The following NFIX variants were observed in gnomAD, a reference collection of about 807,000 sequenced individuals.
The protein encoded by NFIX is nuclear factor I X.
NFIX carries 2 observed loss-of-function variants against 53.3 expected under a neutral mutation model. The ratio of observed to expected loss-of-function variants is 0.04; its 90% CI spans 0.02 to 0.12. The LOEUF (loss-of-function observed/expected upper bound fraction) is 0.12. NFIX is among the 10% of genes least tolerant of loss of function. The pLI is 1.00. For missense variants in NFIX, 310 were observed against 674.5 expected (o/e 0.46, Z 5.99); for synonymous variants, 244 against 289.0 (o/e 0.84, Z 1.58).
intron 2 of NFIX, among the ~76,000 whole-genome samples, chr19:13,056,332 G>A (rs1216984017): frequency 2.0e-5 from 3 of 152,144 alleles, no homozygotes. Flanking sequence ...TTGATCCTTG[G>A]GAGGCAGAGG....
intron 8 of NFIX, among the ~76,000 whole-genome samples, chr19:13,085,998 AAGAT>A (rs1223919830): frequency 5.3e-5 from 8 of 152,332 alleles, no homozygotes; most frequent in African/African-American, 1.7e-4. Context: ...AGGGCAGAGA[AAGAT>A]AGGTTGTGAT....
rs1032408529 is a variant in NFIX at position 13,051,796 on chromosome 19, G to T, written c.560-21251G>T. On this transcript the variant is annotated intron_variant, in intron 2 of 10. Coordinates refer to ENST00000592199, the MANE Select transcript of NFIX (RefSeq NM_001365902.3). This position sits in a 1 kb window ranked among gnomAD's most constrained non-coding sequence, Gnocchi z 5.1. Reference sequence around the variant, plus strand: ...CCAGCGATACTAATCTGTGTCAACAGGCCCCAGGGGTTAAAGAAACACAAC... The same window carrying T: ...CCAGCGATACTAATCTGTGTCAACATGCCCCAGGGGTTAAAGAAACACAAC... Among the ~76,000 whole-genome samples, 11 of 152,202 alleles carry T rather than the reference G, an allele frequency of 7.2e-5. No individual in the cohort carries two copies. Among genetic ancestry groups the T allele is most frequent in the Non-Finnish European group, 1.5e-4 (10 of 68,022 alleles).
Position 13,051,581 on chromosome 19 carries a change from G to A in NFIX, c.560-21466G>A, listed in dbSNP as rs1227002890. Among the ~76,000 whole-genome samples, 2 of 152,160 alleles carry A rather than the reference G, an allele frequency of 1.3e-5. No individual in the cohort carries two copies. On this transcript the variant is annotated intron_variant, in intron 2 of 10. Transcript: ENST00000592199. The surrounding 1 kb of genome is among the most constrained non-coding windows in gnomAD (Gnocchi z 5.1). ...AGCCAGATTTTTTTCCAAGCCTCAA[G>A]TCAGGCAGGTTCGGGGAGGAGACAG...
In NFIX at chr19:13,036,273, G is replaced by A. The variant is rs1034553639; in HGVS notation, c.559+10721G>A. Among the ~76,000 whole-genome samples the A allele has an allele frequency of 8.5e-5, 13 of 152,190 alleles. No homozygotes were observed. The highest frequency in any genetic ancestry group is 3.1e-4 in the African/African-American group (13 of 41,438). On this transcript the variant is annotated intron_variant, in intron 2 of 10. Transcript: ENST00000592199. The surrounding 1 kb of genome is among the most constrained non-coding windows in gnomAD (Gnocchi z 4.7). ...TCCGGGAGGCTTCCTTTCTTAAAAT[G>A]GGGGGATGAAGCGTCAGTCATGCTT...
In NFIX at chr19:13,039,221, C is replaced by T. The variant is rs552480310; in HGVS notation, c.559+13669C>T. Among the ~76,000 whole-genome samples, 769 of 130,400 alleles carry T rather than the reference C, an allele frequency of 5.9e-3. 5 individuals are homozygous for T. The highest frequency in any genetic ancestry group is 0.015 in the Middle Eastern group (4 of 266). 85.5% of individuals were successfully genotyped at this position (130,400 alleles called of 152,430 possible). ...ACATGCATTTCTTTTAAATTAAACA[C>T]CCCCCCCCACACACACACATACACG... is the stretch of plus-strand genomic sequence containing the variant. On this transcript the variant is annotated intron_variant, in intron 2 of 10. Transcript: ENST00000592199.
chr19:13,001,295 C>T lies in NFIX; in HGVS notation c.27+5431C>T, dbSNP rs2011678656. On this transcript the variant is annotated intron_variant, in intron 1 of 10. Transcript: ENST00000592199. The surrounding 1 kb of genome is among the most constrained non-coding windows in gnomAD (Gnocchi z 6.5). ...TGGCAGCGTGTGTCTGCCCGGGTCC[C>T]TCTCCATGCCTCTCCATGTCTCCCA... is the stretch of plus-strand genomic sequence containing the variant. 1.3e-5 allele frequency among the ~76,000 whole-genome samples: 2 copies of T among 152,174 alleles called. No individual in the cohort carries two copies. The highest frequency in any genetic ancestry group is 2.4e-5 in the African/African-American group (1 of 41,426).
rs2011445692 is a variant in NFIX, at chr19:12,995,879, C to T, written c.27+15C>T. The T allele has an allele frequency of 4.1e-6, 4 of 980,132 alleles. No homozygotes were observed. Among genetic ancestry groups the T allele is most frequent in the African/African-American group, 1.8e-5 (1 of 56,290 alleles). 60.7% of individuals were successfully genotyped at this position (980,132 alleles called of 1,614,324 possible). On this transcript the variant is annotated intron_variant, in intron 1 of 10. Transcript: ENST00000592199. ...GCCTCACCCAGGTACCGGCCGCCGC[C>T]CCCGCGCGACCGGGGGAGGGGAGCG...
At chr19:13,024,919 C>A (rs2013202628) in intron 1 of NFIX, 102 bp from the exon 2 acceptor site, 2 of 1,463,762 alleles carry the variant, frequency 1.4e-6, no homozygotes, top group Non-Finnish European at 1.9e-6. Context: ...CTTGTGCCCC[C>A]CCTTCTAACG....
Position 13,090,197 on chromosome 19 carries a change from GT to G in NFIX, c.1403-101del. 2 of 1,105,834 alleles carry G rather than the reference GT, an allele frequency of 1.8e-6. No homozygotes were observed. The highest frequency in any genetic ancestry group is 2.8e-6 in the Non-Finnish European group (2 of 722,758). 68.5% of individuals were successfully genotyped at this position (1,105,834 alleles called of 1,614,324 possible). ...TGCCAGCCTAAACTCGGGCAGCATG[GT>G]CTAACTCAGTCTCTCCCTCTCTCAG... is the stretch of plus-strand genomic sequence containing the variant. On this transcript the variant is annotated intron_variant, in intron 9 of 10. Coordinates refer to ENST00000592199, the MANE Select transcript of NFIX (RefSeq NM_001365902.3). The surrounding 1 kb of genome is among the most constrained non-coding windows in gnomAD (Gnocchi z 6.6).
intron 2 of NFIX, among the ~76,000 whole-genome samples, chr19:13,054,236 A>G (rs1051664539): frequency 1.3e-5 from 2 of 151,762 alleles, no homozygotes; most frequent in African/African-American, 4.8e-5. Context: ...TGGAGGTTCA[A>G]CTCCATCCCA....
chr19:13,034,721 A>T (rs898543586), intron 2 of NFIX, among the ~76,000 whole-genome samples: 1 of 152,104 alleles, frequency 6.6e-6, no homozygotes, highest in Non-Finnish European at 1.5e-5. Context: ...ACTTCTTCAC[A>T]TTGACTCTCA....
At position 12,998,249 on chromosome 19, in the gene NFIX, C is replaced by T. The variant is rs11880196; in HGVS notation, c.27+2385C>T. On this transcript the variant is annotated intron_variant, in intron 1 of 10. Transcript: ENST00000592199. The surrounding 1 kb of genome is among the most constrained non-coding windows in gnomAD (Gnocchi z 4.4). ...TCTGTCTCTGATTCCAGTTTTGGCC[C>T]CATCTCTGCTCCCCCCTCCACTGGC... Among the ~76,000 whole-genome samples the T allele has an allele frequency of 0.013, 1,952 of 152,084 alleles. 44 individuals carry two copies. The highest frequency in any genetic ancestry group is 0.044 in the African/African-American group (1,834 of 41,434).
chr19:13,010,120 T>C (rs2012250472), intron 1 of NFIX, among the ~76,000 whole-genome samples: 1 of 152,154 alleles, frequency 6.6e-6, no homozygotes, highest in South Asian at 2.1e-4. Context: ...CCCCGCCTGC[T>C]CCTGGGGCTT....
intron 2 of NFIX, among the ~76,000 whole-genome samples, chr19:13,029,074 T>C (rs879442498): frequency 2.0e-5 from 3 of 152,166 alleles, no homozygotes; most frequent in South Asian, 2.1e-4. Flanking sequence ...CTTTTCTTTA[T>C]CTAAACTCTT....
chr19:13,022,151 C>T lies in NFIX; in HGVS notation c.28-2870C>T, dbSNP rs1338661276. Among the ~76,000 whole-genome samples the T allele has an allele frequency of 1.3e-5, 2 of 152,194 alleles. No homozygotes were observed. The highest frequency in any genetic ancestry group is 3.8e-4 in the East Asian group (2 of 5,200). ...AGTGTCCATCTTTTTGCCTTTGTCACTTCTCCCCGGGTCTGGCTGTTGTTT... is the reference window on the plus strand; with the variant it reads ...AGTGTCCATCTTTTTGCCTTTGTCATTTCTCCCCGGGTCTGGCTGTTGTTT... On this transcript the variant is annotated intron_variant, in intron 1 of 10. Transcript: ENST00000592199. This position sits in a 1 kb window ranked among gnomAD's most constrained non-coding sequence, Gnocchi z 4.5.
In NFIX at chr19:13,027,503, C is replaced by A. The variant is rs990121076; in HGVS notation, c.559+1951C>A. 1.3e-5 allele frequency among the ~76,000 whole-genome samples: 2 copies of A among 152,186 alleles called. No individual in the cohort carries two copies. The highest frequency in any genetic ancestry group is 2.9e-5 in the Non-Finnish European group (2 of 68,038). ...TACTCCTGCACAAGGGGATTCTGCA[C>A]CTTCCAATTTTAGAACCAGGGGCTC... is the stretch of plus-strand genomic sequence containing the variant. On this transcript the variant is annotated intron_variant, in intron 2 of 10. Coordinates refer to ENST00000592199, the MANE Select transcript of NFIX (RefSeq NM_001365902.3). This position sits in a 1 kb window ranked among gnomAD's most constrained non-coding sequence, Gnocchi z 4.3.
rs946559252 is a variant in NFIX, at chr19:13,011,392, C to G, written c.28-13629C>G. Among the ~76,000 whole-genome samples, 1 of 152,228 alleles carries G rather than the reference C, an allele frequency of 6.6e-6. No homozygotes were observed. On this transcript the variant is annotated intron_variant, in intron 1 of 10. Transcript: ENST00000592199. This position sits in a 1 kb window ranked among gnomAD's most constrained non-coding sequence, Gnocchi z 6.5. ...CACCCCACCTCGGGAGAAATTTCCA[C>G]TTGCCCCCGAGTCCAGCTCGGGCCG...
In NFIX at chr19:13,047,555, C is replaced by T. The variant is rs140994072; in HGVS notation, c.559+22003C>T. 6.6e-4 allele frequency among the ~76,000 whole-genome samples: 101 copies of T among 152,144 alleles called. 2 individuals are homozygous for T. Among genetic ancestry groups the T allele is most frequent in the Non-Finnish European group, 4.6e-4 (31 of 68,022 alleles). ...AGGTGCAGAACAATTTTGGCTGCTT[C>T]GTCCAGGAAATAAATTCCTCTTCGG... On this transcript the variant is annotated intron_variant, in intron 2 of 10. Transcript: ENST00000592199.
At chr19:12,995,960 G>T (rs982567552) in intron 1 of NFIX, 96 bp downstream of exon 1, 17 of 443,324 alleles carry the variant, frequency 3.8e-5, no homozygotes, top group Admixed American at 6.5e-5. Context: ...GGCCGGGAAG[G>T]GGGGGCCGAG....
Sources: gnomAD v4.1 joint callset for allele counts (sites outside exome capture counted in the v4.1 genomes callset) on GRCh38, gnomAD v4.1.1 for gene constraint, Gnocchi (gnomAD v3.1) non-coding constraint, MANE v1.5 for transcripts, NCBI Gene and HGNC (gene_info 2026-07-23, HGNC 2026-07-21) for gene names.